Variants in CELF2 observed in about 807,000 individuals in gnomAD.
CELF2 encodes CUG triplet repeat RNA-binding protein 2.
CELF2 carries 8 observed loss-of-function variants against 62.6 expected under a neutral mutation model. The observed-to-expected ratio is 0.13, with a 90% CI of 0.07 to 0.23. The LOEUF (loss-of-function observed/expected upper bound fraction) is 0.23, where lower values mean the gene tolerates loss of function less well. Among genes scored for constraint, CELF2 ranks in the 10% least tolerant of loss-of-function variants. The pLI is 1.00. For missense variants in CELF2, 333 were observed against 671.0 expected, an observed-to-expected ratio of 0.50 and a Z score of 5.56; for synonymous variants, 258 against 250.0, an observed-to-expected ratio of 1.03 and a Z score of -0.30.
chr10:10,508,474 C>T, the CELF2 span, among the ~76,000 whole-genome samples: 4 of 152,328 alleles, frequency 2.6e-5, no homozygotes, highest in South Asian at 8.3e-4. Context: ...CCTCGGCATG[C>T]TCTTGAATGG....
At chr10:10,558,676 T>A in the CELF2 span, among the ~76,000 whole-genome samples, 1 of 152,206 alleles carries the variant, frequency 6.6e-6, no homozygotes, top group Non-Finnish European at 1.5e-5. Context: ...GGACTCTTTT[T>A]GCTTGGTAAA....
chr10:11,249,119 A>C, intron 3 of CELF2, 34 bp from the exon 4 acceptor site: 1 of 1,579,886 alleles, frequency 6.3e-7, no homozygotes, highest in Non-Finnish European at 8.7e-7. Flanking sequence ...CAGTTGTTCA[A>C]TCTGCCTTTA....
intron 2 of CELF2, among the ~76,000 whole-genome samples, chr10:10,965,218 A>G (rs2049993761): frequency 6.6e-6 from 1 of 152,024 alleles, no homozygotes; most frequent in African/African-American, 2.4e-5. Flanking sequence ...TGAATATCCT[A>G]TGGTATGGTT....
At chr10:10,571,061 A>T in the CELF2 span, among the ~76,000 whole-genome samples, 4 of 152,196 alleles carry the variant, frequency 2.6e-5, no homozygotes, top group Non-Finnish European at 5.9e-5. Flanking sequence ...AGGTGACTTG[A>T]AAGAAACAGG....
intron 1 of CELF2, among the ~76,000 whole-genome samples, chr10:10,806,484 A>G (rs1415556584): frequency 6.6e-6 from 1 of 152,166 alleles, no homozygotes; most frequent in Non-Finnish European, 1.5e-5. Context: ...GATTACAGGC[A>G]TGAGCCACTG....
In CELF2 at chr10:11,207,935, A is replaced by G. The variant is rs961049102; in HGVS notation, c.272-9490A>G. ...TAGGTGACTGTTGGAGAGACATTTC[A>G]GATGAGAGGTTTAGGTTATAAAGAG... On this transcript the variant is annotated intron_variant, in intron 2 of 12. Coordinates refer to ENST00000633077, the MANE Select transcript of CELF2 (RefSeq NM_001326342.2). The surrounding 1 kb of genome is among the most constrained non-coding windows in gnomAD (Gnocchi z 4.1). 1.3e-5 allele frequency among the ~76,000 whole-genome samples: 2 copies of G among 152,222 alleles called. No individual in the cohort carries two copies. Among genetic ancestry groups the G allele is most frequent in the African/African-American group, 4.8e-5 (2 of 41,452 alleles).
the CELF2 span, among the ~76,000 whole-genome samples, chr10:10,765,472 A>G: frequency 6.6e-6 from 1 of 152,162 alleles, no homozygotes; most frequent in Non-Finnish European, 1.5e-5. Flanking sequence ...CTGAAGACCT[A>G]TCCGCCACAC....
chr10:11,284,513 T>G, intron 8 of CELF2, among the ~76,000 whole-genome samples: 4 of 146,492 alleles, frequency 2.7e-5, no homozygotes, highest in African/African-American at 7.7e-5. Flanking sequence ...GGATGAGGGA[T>G]GAGTGTGTGG....
chr10:10,969,846 T>C (rs1179221963), intron 2 of CELF2, among the ~76,000 whole-genome samples: 3 of 152,212 alleles, frequency 2.0e-5, no homozygotes, highest in African/African-American at 7.2e-5. Flanking sequence ...AGGGTCCTGC[T>C]TCATCTATAG....
chr10:11,031,573 C>T (rs2060121675), intron 1 of CELF2, among the ~76,000 whole-genome samples: 1 of 152,140 alleles, frequency 6.6e-6, no homozygotes, highest in Non-Finnish European at 1.5e-5. Context: ...TGTCGAAATG[C>T]CTTTACTCTT....
chr10:10,666,304 T>C, the CELF2 span, among the ~76,000 whole-genome samples: 891 of 152,252 alleles, frequency 5.9e-3, 2 homozygotes, highest in Non-Finnish European at 8.2e-3. Flanking sequence ...GTTGGCTCCG[T>C]GTCTCTCAAG....
chr10:10,705,349 T>C, the CELF2 span, among the ~76,000 whole-genome samples: 2,698 of 142,120 alleles, frequency 0.019, 42 homozygotes, highest in African/African-American at 0.045. Flanking sequence ...CTCTCAGAAG[T>C]CAGCCTCCTT....
At chr10:11,118,396 G>T (rs766911152) in intron 1 of CELF2, among the ~76,000 whole-genome samples, 1 of 151,960 alleles carries the variant, frequency 6.6e-6, no homozygotes, top group Non-Finnish European at 1.5e-5. Flanking sequence ...TGAACTCCTG[G>T]CCTCAAGTGA....
intron 1 of CELF2, among the ~76,000 whole-genome samples, chr10:10,909,859 G>A (rs879843986): frequency 0.089 from 13,522 of 152,206 alleles, 1,286 homozygotes; most frequent in African/African-American, 0.24. Flanking sequence ...ATGAAAGAGG[G>A]GGCTCATGTT....
At chr10:10,815,238 C>A (rs934094830) in intron 1 of CELF2, among the ~76,000 whole-genome samples, 1 of 152,206 alleles carries the variant, frequency 6.6e-6, no homozygotes. Context: ...CTCTTTGCCC[C>A]TCTCTCCCCT....
chr10:11,054,980 G>T (rs2064897045), intron 1 of CELF2, among the ~76,000 whole-genome samples: 1 of 152,224 alleles, frequency 6.6e-6, no homozygotes. Flanking sequence ...CCCCTGGAGT[G>T]CTGGGATTAC....
At chr10:11,166,278 T>C (rs932213576) in intron 2 of CELF2, among the ~76,000 whole-genome samples, 6 of 152,062 alleles carry the variant, frequency 3.9e-5, no homozygotes, top group African/African-American at 1.2e-4. Flanking sequence ...CCTGACATAG[T>C]TAGGACACCT....
chr10:11,305,475 A>C lies in CELF2; in HGVS notation c.977-8664A>C, dbSNP rs2140294512. ...CAGGAAAGACTCCAGTCTAGTTCAC[A>C]GTTTGCCTGGGAGGATCCCACCTGC... On this transcript the variant is annotated intron_variant, in intron 9 of 12. Coordinates refer to ENST00000633077, the MANE Select transcript of CELF2 (RefSeq NM_001326342.2). This position sits in a 1 kb window ranked among gnomAD's most constrained non-coding sequence, Gnocchi z 4.8. Among the ~76,000 whole-genome samples, 1 of 152,332 alleles carries C rather than the reference A, an allele frequency of 6.6e-6. No homozygotes were observed. The highest frequency in any genetic ancestry group is 3.4e-3 in the Middle Eastern group (1 of 294).
intron 1 of CELF2, among the ~76,000 whole-genome samples, chr10:10,799,168 T>G (rs141782388): frequency 1.6e-3 from 244 of 152,282 alleles, no homozygotes; most frequent in Non-Finnish European, 2.4e-3. Context: ...TGGTCAACTT[T>G]CTGGGACTTC....
Sources: allele counts gnomAD v4.1 joint callset (sites outside exome capture counted in the v4.1 genomes callset), GRCh38; gene constraint gnomAD v4.1.1; non-coding constraint Gnocchi (gnomAD v3.1); transcripts MANE v1.5; gene names NCBI Gene and HGNC (gene_info 2026-07-23, HGNC 2026-07-21).